Variants in OR56A3 observed in about 807,000 individuals in gnomAD.
The protein encoded by OR56A3 is olfactory receptor family 56 subfamily A member 3.
In OR56A3, 23 loss-of-function variants were observed where a neutral mutation model predicts 17.5. That is an observed-to-expected ratio of 1.32 (90% CI 0.95 to 1.87). OR56A3 has a LOEUF of 1.87. Ranked by LOEUF, OR56A3 falls within the 40% of genes most tolerant of loss-of-function variation. The pLI, the probability that OR56A3 is intolerant of heterozygous loss-of-function variation, is 0.00. For synonymous variants in OR56A3, 175 were observed against 150.6 expected (o/e 1.16, Z -1.19); for missense variants, 366 against 380.1 (o/e 0.96, Z 0.31).
chr11:5,977,255 G>C, the OR56A3 span, among the ~76,000 whole-genome samples: 1 of 152,086 alleles, frequency 6.6e-6, no homozygotes, highest in African/African-American at 2.4e-5. Context: ...GAGTCAAATT[G>C]TAGTTCTGTA....
the OR56A3 span, among the ~76,000 whole-genome samples, chr11:5,961,219 C>T: frequency 6.6e-6 from 1 of 151,970 alleles, no homozygotes; most frequent in Admixed American, 6.5e-5. Context: ...TGAGGAGCCC[C>T]TCTTCCCCGG....
chr11:6,016,654 C>A, the OR56A3 span, among the ~76,000 whole-genome samples: 1 of 151,784 alleles, frequency 6.6e-6, no homozygotes, highest in African/African-American at 2.4e-5. Flanking sequence ...TCTACAGCAA[C>A]AGATTCCAAT....
rs1382317080 is a variant in OR56A3 at position 5,945,144 on chromosome 11, C to T, written c.-37+62C>T. 7 of 152,342 alleles carry T rather than the reference C, an allele frequency of 4.6e-5. No individual in the cohort carries two copies. In the East Asian group the frequency reaches 1.3e-3, roughly 29 times the overall value. 9.4% of individuals were successfully genotyped at this position (152,342 alleles called of 1,614,324 possible). A position where few individuals can be genotyped will look rare whatever the true frequency, so the allele number is the denominator to read the frequency against. ...GGAGTTCACAGTTTAATTATAACTT[C>T]CTTCCTTGTCACCCTGTCCCTACCC... On this transcript the variant is annotated intron_variant, in intron 2 of 2. Transcript: ENST00000641160.
At chr11:6,003,086 G>A in the OR56A3 span, 15 of 1,606,138 alleles carry the variant, frequency 9.3e-6, no homozygotes, top group Non-Finnish European at 1.3e-5. Flanking sequence ...ACGTAGTAGA[G>A]TGTGGGTTTC....
At chr11:5,966,070 C>G in the OR56A3 span, among the ~76,000 whole-genome samples, 1 of 151,924 alleles carries the variant, frequency 6.6e-6, no homozygotes, top group Non-Finnish European at 1.5e-5. Flanking sequence ...AAAGACAATA[C>G]TATAGAAATA....
chr11:5,981,262 A>G, the OR56A3 span, among the ~76,000 whole-genome samples: 1 of 152,204 alleles, frequency 6.6e-6, no homozygotes, highest in Non-Finnish European at 1.5e-5. Flanking sequence ...GTGTTTTCCA[A>G]GTTGCTTGCT....
At chr11:6,019,290 A>T in the OR56A3 span, 1 of 152,144 alleles carries the variant, frequency 6.6e-6, no homozygotes, top group South Asian at 2.1e-4. Flanking sequence ...TAGCAAATCA[A>T]ATCCACCAAC....
At chr11:6,004,739 T>C in the OR56A3 span, among the ~76,000 whole-genome samples, 3 of 152,218 alleles carry the variant, frequency 2.0e-5, no homozygotes, top group African/African-American at 7.2e-5. Flanking sequence ...AGAAATCAGA[T>C]TGAACTAATT....
chr11:5,987,248 C>T, the OR56A3 span, among the ~76,000 whole-genome samples: 1 of 152,212 alleles, frequency 6.6e-6, no homozygotes, highest in Admixed American at 6.5e-5. Context: ...TTACTGACCA[C>T]TGTGAATCAA....
chr11:5,992,773 G>C, the OR56A3 span, among the ~76,000 whole-genome samples: 12 of 152,082 alleles, frequency 7.9e-5, no homozygotes. Flanking sequence ...GGTCCCATCT[G>C]TTACCCAGTA....
downstream of OR56A3, among the ~76,000 whole-genome samples, chr11:5,951,647 G>C (rs937440176): frequency 2.5e-4 from 38 of 152,220 alleles, no homozygotes; most frequent in African/African-American, 8.9e-4. Context: ...AGGCCCAGCT[G>C]ATGCTAGTCA....
chr11:6,007,125 G>A, the OR56A3 span, among the ~76,000 whole-genome samples: 19 of 152,324 alleles, frequency 1.2e-4, no homozygotes, highest in South Asian at 3.7e-3. Flanking sequence ...TGGGAGTAGA[G>A]TGAGGGTGAA....
At chr11:5,986,166 C>T in the OR56A3 span, 141,597 of 1,613,804 alleles carry the variant, frequency 0.088, 6,793 homozygotes, top group South Asian at 0.14. Context: ...ATGTGCTAAA[C>T]GCCTTAAGTC....
chr11:5,966,944 T>C, the OR56A3 span, among the ~76,000 whole-genome samples: 49 of 149,738 alleles, frequency 3.3e-4, 1 homozygote, highest in East Asian at 7.6e-3. Flanking sequence ...CATTTTAAGA[T>C]GTAAAAATCA....
the OR56A3 span, chr11:5,967,613 A>T: frequency 6.2e-7 from 1 of 1,613,902 alleles, no homozygotes; most frequent in Non-Finnish European, 8.5e-7. Flanking sequence ...TCACACCATA[A>T]ACAATGGGGT....
chr11:6,009,030 T>C, the OR56A3 span, among the ~76,000 whole-genome samples: 20 of 152,302 alleles, frequency 1.3e-4, no homozygotes, highest in South Asian at 3.3e-3. Flanking sequence ...GTGAGTTGAA[T>C]TGTACCCCTA....
At chr11:5,971,682 TAAC>T in the OR56A3 span, among the ~76,000 whole-genome samples, 1 of 152,196 alleles carries the variant, frequency 6.6e-6, no homozygotes, top group Non-Finnish European at 1.5e-5. Flanking sequence ...GATATATTGT[TAAC>T]AACTATTATA....
the OR56A3 span, chr11:5,986,446 A>G: frequency 6.2e-7 from 1 of 1,613,978 alleles, no homozygotes; most frequent in African/African-American, 1.3e-5. Context: ...CACCATTCCG[A>G]TGCGCCCTAT....
chr11:6,016,594 G>A, the OR56A3 span, among the ~76,000 whole-genome samples: 1 of 152,042 alleles, frequency 6.6e-6, no homozygotes, highest in Non-Finnish European at 1.5e-5. Context: ...AAGGAAGCAA[G>A]AAGTGTGAAA....
Sources: allele counts gnomAD v4.1 joint callset (sites outside exome capture counted in the v4.1 genomes callset), GRCh38; gene constraint gnomAD v4.1.1; transcripts MANE v1.5; gene names NCBI Gene and HGNC (gene_info 2026-07-23, HGNC 2026-07-21).